RASGRF2: variants seen among roughly 807,000 people sequenced by gnomAD.
RASGRF2 encodes the protein ras-specific guanine nucleotide-releasing factor 2.
A neutral mutation model predicts 151.0 loss-of-function variants in RASGRF2; 76 were observed. The ratio of observed to expected loss-of-function variants is 0.50; its 90% CI spans 0.42 to 0.61. The LOEUF is 0.61. Ranked by LOEUF, RASGRF2 falls within the 20% of genes least tolerant of loss-of-function variation. The pLI, the probability that RASGRF2 is intolerant of heterozygous loss-of-function variation, is 0.00. For synonymous variants in RASGRF2, 504 were observed against 566.5 expected (o/e 0.89, Z 1.57); for missense variants, 1,148 against 1,564.6 (o/e 0.73, Z 4.49).
intron 2 of RASGRF2, among the ~76,000 whole-genome samples, chr5:81,050,439 C>T (rs1362911083): frequency 2.6e-5 from 4 of 152,130 alleles, no homozygotes; most frequent in Non-Finnish European, 5.9e-5. Context: ...TTCATTATTT[C>T]ACTGATATTT....
In RASGRF2 at chr5:81,208,370, G is replaced by C. The variant is rs1261385920; in HGVS notation, c.3088G>C (p.Gly1030Arg). 1 of 1,613,828 alleles carries C rather than the reference G, an allele frequency of 6.2e-7. No homozygotes were observed. Among genetic ancestry groups the C allele is most frequent in the Non-Finnish European group, 8.5e-7 (1 of 1,179,916 alleles). ...SIPYEEFLGQ[G>R]WMKLDKNERT... ...AACTTCCAGGGAGTTTCTTGGGCAG[G>C]GGTGGATGAAGCTGGATAAAAACGA... Residue 1030 changes from glycine (G) to arginine (R), a missense_variant, in exon 22 of 27, where the codon GGG becomes CGG. Around this residue, in one of 5 missense-constraint regions of RASGRF2, gnomAD observed 646 missense variants for 807.4 expected, o/e 0.80. Transcript: ENST00000265080.
intron 1 of RASGRF2, among the ~76,000 whole-genome samples, chr5:81,009,340 T>C (rs73766157): frequency 0.066 from 10,027 of 152,230 alleles, 377 homozygotes; most frequent in African/African-American, 0.11. Flanking sequence ...TGAGAGCAGA[T>C]GTAAGCTTCT....
chr5:81,143,826 G>A (rs1753941927), intron 17 of RASGRF2, among the ~76,000 whole-genome samples: 1 of 151,498 alleles, frequency 6.6e-6, no homozygotes, highest in Non-Finnish European at 1.5e-5. Flanking sequence ...GGAGGCAGAG[G>A]TTGCAATGAG....
intron 1 of RASGRF2, among the ~76,000 whole-genome samples, chr5:80,976,350 G>A (rs773830781): frequency 3.3e-5 from 5 of 152,130 alleles, no homozygotes; most frequent in Non-Finnish European, 5.9e-5. Context: ...GGCTTAGAAC[G>A]GTTTAGTAAT....
intron 17 of RASGRF2, among the ~76,000 whole-genome samples, chr5:81,168,389 C>T (rs573541264): frequency 6.7e-6 from 1 of 150,160 alleles, no homozygotes; most frequent in South Asian, 2.1e-4. Context: ...TGGCTCACCA[C>T]AACCTCCGCC....
chr5:81,077,259 C>T lies in RASGRF2; in HGVS notation c.888-2862C>T, dbSNP rs115030031. The stretch of plus-strand genomic sequence containing the variant: ...GAAGGGATGCAGCTATTGACAATGA[C>T]AAGGTCTAGAGTACAATCAAAGGGG... On this transcript the variant is annotated intron_variant, in intron 5 of 26. Coordinates refer to ENST00000265080, the MANE Select transcript of RASGRF2 (RefSeq NM_006909.3). 2.7e-3 allele frequency among the ~76,000 whole-genome samples: 415 copies of T among 152,234 alleles called. 4 individuals carry two copies. The highest frequency in any genetic ancestry group is 9.3e-3 in the African/African-American group (388 of 41,536).
At chr5:81,112,189 T>TAC (rs917555863) in intron 13 of RASGRF2, among the ~76,000 whole-genome samples, 10 of 152,154 alleles carry the variant, frequency 6.6e-5, no homozygotes, top group African/African-American at 2.4e-4. Context: ...GCCCTCTACC[T>TAC]ACCAGTCAAC....
At chr5:81,104,875 C>T in intron 12 of RASGRF2, among the ~76,000 whole-genome samples, 1 of 152,130 alleles carries the variant, frequency 6.6e-6, no homozygotes, top group East Asian at 1.9e-4. Context: ...TATTTCAGCT[C>T]CCTGGAGTGG....
intron 1 of RASGRF2, among the ~76,000 whole-genome samples, chr5:81,013,350 A>G (rs779135324): frequency 3.3e-5 from 5 of 151,986 alleles, no homozygotes; most frequent in Non-Finnish European, 7.4e-5. Flanking sequence ...CTTTTTCCAT[A>G]CTTTCTCCCT....
intron 12 of RASGRF2, among the ~76,000 whole-genome samples, chr5:81,104,987 C>T (rs770520401): frequency 2.6e-5 from 4 of 152,142 alleles, no homozygotes; most frequent in African/African-American, 9.7e-5. Context: ...GCAGAGTTTC[C>T]TGGACAAGTG....
intron 12 of RASGRF2, among the ~76,000 whole-genome samples, chr5:81,100,353 G>C (rs1045079005): frequency 2.0e-5 from 3 of 152,010 alleles, no homozygotes; most frequent in Non-Finnish European, 4.4e-5. Context: ...TTTCCCATAA[G>C]AAACTCTACA....
chr5:81,099,297 GCTAT>G (rs1347271648), intron 12 of RASGRF2, among the ~76,000 whole-genome samples: 1 of 151,890 alleles, frequency 6.6e-6, no homozygotes, highest in Non-Finnish European at 1.5e-5. Flanking sequence ...ATTCATATTG[GCTAT>G]CTATTATTCA....
At chr5:81,169,961 T>TCACCTGCAC (rs1405065078) in intron 17 of RASGRF2, among the ~76,000 whole-genome samples, 3 of 82,556 alleles carry the variant, frequency 3.6e-5, no homozygotes, top group Admixed American at 1.4e-4. Flanking sequence ...ACCACCTGCA[T>TCACCTGCAC]CACCTGTACC....
At chr5:81,150,704 A>G (rs1379040835) in intron 17 of RASGRF2, among the ~76,000 whole-genome samples, 1 of 152,244 alleles carries the variant, frequency 6.6e-6, no homozygotes, top group Non-Finnish European at 1.5e-5. Flanking sequence ...AGGAATTAGT[A>G]AAATAACTGC....
At chr5:81,177,717 G>A (rs947445181) in intron 17 of RASGRF2, among the ~76,000 whole-genome samples, 5 of 151,970 alleles carry the variant, frequency 3.3e-5, no homozygotes, top group African/African-American at 1.2e-4. Flanking sequence ...GTGTGGTGCC[G>A]TGAGATATGT....
chr5:80,971,216 C>T (rs1747920542), intron 1 of RASGRF2, among the ~76,000 whole-genome samples: 1 of 152,180 alleles, frequency 6.6e-6, no homozygotes, highest in Non-Finnish European at 1.5e-5. Context: ...CAGAGCTAAC[C>T]TCATGCCTAT....
At chr5:81,211,043 C>G (rs1467896844) in intron 22 of RASGRF2, among the ~76,000 whole-genome samples, 1 of 151,046 alleles carries the variant, frequency 6.6e-6, no homozygotes, top group African/African-American at 2.4e-5. Flanking sequence ...ACTTGGGAGG[C>G]TGAGGTGAGA....
At chr5:80,992,704 T>C (rs1202992217) in intron 1 of RASGRF2, among the ~76,000 whole-genome samples, 1 of 152,208 alleles carries the variant, frequency 6.6e-6, no homozygotes, top group Non-Finnish European at 1.5e-5. Context: ...TTTTTGAAAG[T>C]TCATTCTGAA....
chr5:81,214,670 C>A (rs1755695977), intron 23 of RASGRF2, among the ~76,000 whole-genome samples: 1 of 152,202 alleles, frequency 6.6e-6, no homozygotes, highest in Non-Finnish European at 1.5e-5. Context: ...CCAGGTGAGA[C>A]AAAGTAGTTT....
Sources: gnomAD v4.1 joint callset for allele counts (sites outside exome capture counted in the v4.1 genomes callset) on GRCh38, gnomAD v4.1.1 for gene constraint, gnomAD v4.1.1 regional missense constraint, MANE v1.5 for transcripts, NCBI Gene and HGNC (gene_info 2026-07-23, HGNC 2026-07-21) for gene names.